Variants in RPS6 observed in about 807,000 individuals in gnomAD.
RPS6 encodes the protein ribosomal protein S6.
Under a neutral mutation model 27.1 loss-of-function variants are expected in RPS6, and 1 was observed. The observed-to-expected ratio is 0.04, with a 90% confidence interval of 0.01 to 0.18. The LOEUF (loss-of-function observed/expected upper bound fraction) is 0.18. Ranked by LOEUF, RPS6 falls within the 10% of genes least tolerant of loss-of-function variation. The pLI is 1.00. For missense variants in RPS6, 259 were observed against 319.1 expected, an observed-to-expected ratio of 0.81 and a Z score of 1.44; for synonymous variants, 152 against 106.0, an observed-to-expected ratio of 1.43 and a Z score of -2.66.
At chr9:19,378,949 A>T (rs1829633739) in intron 2 of RPS6, 31 bp from the exon 3 acceptor site, 1 of 1,599,390 alleles carries the variant, frequency 6.3e-7, no homozygotes, top group Middle Eastern at 1.7e-4. Flanking sequence ...TGACACATTT[A>T]CTATTTCTAT....
intron 2 of RPS6, 173 bp from the exon 3 acceptor site, chr9:19,379,091 C>G (rs1829636678): frequency 5.1e-6 from 4 of 783,648 alleles, no homozygotes; most frequent in Non-Finnish European, 7.9e-6. Flanking sequence ...CCCAACTTGT[C>G]AAGTTCAATT....
intron 2 of RPS6, 102 bp downstream of exon 2, chr9:19,379,385 C>CAG: frequency 6.4e-7 from 1 of 1,563,268 alleles, no homozygotes; most frequent in Non-Finnish European, 8.7e-7. Flanking sequence ...TACCAAAGGT[C>CAG]AGAAGCCAGA....
Position 19,380,203 on chromosome 9 carries a change from C to A in RPS6, c.-8G>T. On this transcript the variant is annotated 5_prime_UTR_variant, in exon 1 of 6. Transcript: ENST00000380394. ...ACCATCACCTACCTTCATCTTGAAG[C>A]AGCTGAACGCCTCCGAGGCGCCACG... 1.9e-6 allele frequency: 3 copies of A among 1,614,174 alleles called. No homozygotes were observed. Among genetic ancestry groups the A allele is most frequent in the East Asian group, 2.2e-5 (1 of 44,862 alleles).
At chr9:19,380,161 C>G in intron 1 of RPS6, 29 bp downstream of exon 1, 1 of 1,613,678 alleles carries the variant, frequency 6.2e-7, no homozygotes, top group Non-Finnish European at 8.5e-7. Context: ...TTCCCCAAAC[C>G]CAGTCTAACA....
intron 1 of RPS6, 129 bp from the exon 2 acceptor site, chr9:19,379,747 G>T: frequency 6.7e-7 from 1 of 1,500,716 alleles, no homozygotes. Flanking sequence ...AATATAAGAT[G>T]CCGACTGTAC....
chr9:19,379,988 G>A, intron 1 of RPS6: 2 of 1,455,584 alleles, frequency 1.4e-6, no homozygotes, highest in Non-Finnish European at 9.0e-7. Flanking sequence ...GGCGCTCCCG[G>A]CCCGCCGCGG....
rs542046649 is a variant in RPS6, at chr9:19,380,204, A to G, written c.-9T>C. 21 of 1,614,142 alleles carry G rather than the reference A, an allele frequency of 1.3e-5. No homozygotes were observed. In the East Asian group the frequency reaches 4.2e-4, roughly 33 times the overall value. ...CCATCACCTACCTTCATCTTGAAGCAGCTGAACGCCTCCGAGGCGCCACGG... is the reference window on the plus strand; with the variant it reads ...CCATCACCTACCTTCATCTTGAAGCGGCTGAACGCCTCCGAGGCGCCACGG... On this transcript the variant is annotated 5_prime_UTR_variant, in exon 1 of 6. Coordinates refer to ENST00000380394, the MANE Select transcript of RPS6 (RefSeq NM_001010.3).
In RPS6 at chr9:19,378,503, T is replaced by C. The variant is rs757031519; in HGVS notation, c.361A>G (p.Ile121Val). The C allele has an allele frequency of 6.8e-6, 11 of 1,612,792 alleles. No individual in the cohort carries two copies. Among genetic ancestry groups the C allele is most frequent in the Middle Eastern group, 1.6e-4 (1 of 6,076 alleles). The change falls in exon 4 of 6, where the codon ATT becomes GTT. Residue 121 changes from isoleucine to valine, a missense_variant. This residue lies in a region of RPS6 where 191 missense variants were observed against 231.6 expected (regional missense o/e 0.82). Coordinates refer to ENST00000380394, the MANE Select transcript of RPS6 (RefSeq NM_001010.3). ...ACTGTAGTATCAGTCAGTCCAGGAA[T>C]ATCCTTCTCTCCTTAGAAGAAACAG... ...LVIVKKGEKD[I>V]PGLTDTTVPR...
Position 19,376,169 on chromosome 9 carries a change from T to C in RPS6, c.*124A>G, listed in dbSNP as rs1049779861. On this transcript the variant is annotated 3_prime_UTR_variant, in exon 6 of 6. Coordinates refer to ENST00000380394, the MANE Select transcript of RPS6 (RefSeq NM_001010.3). ...GACTTTATCCACCATTGGAATACCA[T>C]ATATACATATCCCCATTTTCTATGA... 6.3e-6 allele frequency: 5 copies of C among 791,324 alleles called. No individual in the cohort carries two copies. The African/African-American group carries it at 7.0e-5, about 11-fold the overall frequency. The allele number at this position is 791,324 out of a possible 1,614,324, so 49.0% of individuals were successfully genotyped here. A position where few individuals can be genotyped will look rare whatever the true frequency, so the allele number is the denominator to read the frequency against.
chr9:19,379,318 CGTCCCCCCCTCCAAG>C (rs1829640489), intron 2 of RPS6, 154 bp downstream of exon 2: 1 of 1,501,828 alleles, frequency 6.7e-7, no homozygotes, highest in Non-Finnish European at 8.9e-7. Flanking sequence ...GCTTACTCTA[CGTCCCCCCCTCCAAG>C]GTAATACCTC....
intron 4 of RPS6, chr9:19,376,891 T>G (rs1182150365): frequency 5.1e-6 from 2 of 388,386 alleles, no homozygotes; most frequent in African/African-American, 4.1e-5. Flanking sequence ...CCAGGCTAAC[T>G]TTTACTACCT....
chr9:19,379,343 C>G (rs1001303668), intron 2 of RPS6, 144 bp downstream of exon 2: 2 of 1,542,592 alleles, frequency 1.3e-6, no homozygotes, highest in Admixed American at 2.0e-5. Flanking sequence ...GGTAATACCT[C>G]TAACTTTATA....
intron 4 of RPS6, among the ~76,000 whole-genome samples, chr9:19,377,457 G>A (rs1035582756): frequency 6.8e-6 from 1 of 147,450 alleles, no homozygotes; most frequent in Non-Finnish European, 1.5e-5. Flanking sequence ...TGTATTCTCA[G>A]CACCTTGAAC....
rs779965576 is a variant in RPS6 at position 19,378,524 on chromosome 9, A to C, written c.350-10T>G. ...GGAATATCCTTCTCTCCTTAGAAGA[A>C]ACAGTTGAAGAGATTTTAATTCAAC... On this transcript the variant is annotated splice_polypyrimidine_tract_variant and intron_variant, in intron 3 of 5. Transcript: ENST00000380394. The C allele has an allele frequency of 6.2e-7, 1 of 1,610,016 alleles. No individual in the cohort carries two copies. Among genetic ancestry groups the C allele is most frequent in the South Asian group, 1.1e-5 (1 of 90,120 alleles).
At chr9:19,379,932 G>C in intron 1 of RPS6, 2 of 1,433,548 alleles carry the variant, frequency 1.4e-6, no homozygotes, top group East Asian at 2.5e-5. Flanking sequence ...CCGCAAACTG[G>C]GCAACACGCC....
Position 19,376,145 on chromosome 9 carries a change from A to C in RPS6, c.*148T>G. 1 of 686,344 alleles carries C rather than the reference A, an allele frequency of 1.5e-6. No homozygotes were observed. 42.5% of individuals were successfully genotyped at this position (686,344 alleles called of 1,614,324 possible). On this transcript the variant is annotated 3_prime_UTR_variant, in exon 6 of 6. Coordinates refer to ENST00000380394, the MANE Select transcript of RPS6 (RefSeq NM_001010.3). ...TCCACTACCACACACAATAGGTCTG[A>C]CTTTATCCACCATTGGAATACCATA...
At chr9:19,379,071 T>A in intron 2 of RPS6, 153 bp from the exon 3 acceptor site, 1 of 851,102 alleles carries the variant, frequency 1.2e-6, no homozygotes, top group South Asian at 1.8e-5. Flanking sequence ...CAGTGAGTTT[T>A]GTCTATATTC....
In RPS6 at chr9:19,378,337, A is replaced by C. The variant is rs1246436338; in HGVS notation, c.496+31T>G. The C allele has an allele frequency of 1.9e-6, 3 of 1,605,402 alleles. No individual in the cohort carries two copies. The African/African-American group carries it at 4.0e-5, about 22-fold the overall frequency. ...AAATGATAGACAAATTACCAAAATT[A>C]AGCAAGCCCTAATTGCATAATCCCT... On this transcript the variant is annotated intron_variant, in intron 4 of 5. Coordinates refer to ENST00000380394, the MANE Select transcript of RPS6 (RefSeq NM_001010.3).
rs141791099 is a variant in RPS6, at chr9:19,378,414, T to A, written c.450A>T (p.Glu150Asp). The change falls in exon 4 of 6, where the codon GAA becomes GAT. Residue 150 changes from glutamate to aspartate, a missense_variant. Glu to Asp is a conservative substitution (Grantham distance 45). Around this residue, in one of 3 missense-constraint regions of RPS6, gnomAD observed 191 missense variants for 231.6 expected, o/e 0.82. Coordinates refer to ENST00000380394, the MANE Select transcript of RPS6 (RefSeq NM_001010.3). The stretch of plus-strand genomic sequence containing the variant: ...TTACAACATACTGGCGGACATCATC[T>A]TCTTTAGAGAGATTGAAAAGTTTGC... The part of the protein sequence containing the change: ...RIRKLFNLSK[E>D]DDVRQYVVRK... 8.7e-5 allele frequency: 141 copies of A among 1,613,542 alleles called. No homozygotes were observed. The highest frequency in any genetic ancestry group is 7.1e-4 in the Middle Eastern group (4 of 5,612).
Sources: allele counts gnomAD v4.1 joint callset (sites outside exome capture counted in the v4.1 genomes callset), GRCh38; gene constraint gnomAD v4.1.1; regional missense constraint gnomAD v4.1.1; transcripts MANE v1.5; gene names NCBI Gene and HGNC (gene_info 2026-07-23, HGNC 2026-07-21).